Variants in GARNL3 observed in about 807,000 individuals in gnomAD.
GARNL3 encodes the protein GTPase activating Rap/RanGAP domain like 3.
GARNL3 carries 63 observed loss-of-function variants against 125.0 expected under a neutral mutation model. The observed-to-expected ratio is 0.50, with a 90% confidence interval of 0.41 to 0.62. The LOEUF is 0.62. Ranked by LOEUF, GARNL3 falls within the 20% of genes least tolerant of loss-of-function variation. The pLI, the probability that GARNL3 is intolerant of heterozygous loss-of-function variation, is 0.00. For missense variants in GARNL3, 994 were observed against 1,244.0 expected (o/e 0.80, Z 3.02); for synonymous variants, 439 against 457.5 (o/e 0.96, Z 0.52).
chr9:127,376,343 C>T (rs539123599), intron 22 of GARNL3, among the ~76,000 whole-genome samples: 6 of 152,100 alleles, frequency 3.9e-5, no homozygotes, highest in African/African-American at 9.6e-5. Flanking sequence ...CTCAGCTTCC[C>T]GAGTAGCTGG....
At chr9:127,262,227 A>T (rs941296948), upstream of GARNL3, among the ~76,000 whole-genome samples, 1 of 152,228 alleles carries the variant, frequency 6.6e-6, no homozygotes, top group African/African-American at 2.4e-5. Context: ...GGTAGACTCA[A>T]ATTCTACCTG....
intron 1 of GARNL3, among the ~76,000 whole-genome samples, chr9:127,230,074 A>G (rs886859654): frequency 6.6e-6 from 1 of 152,220 alleles, no homozygotes; most frequent in African/African-American, 2.4e-5. Context: ...TTATGCTGTT[A>G]AACCACTTGC....
At chr9:127,320,892 ACTTT>A in intron 6 of GARNL3, 114 bp downstream of exon 6, 2 of 688,124 alleles carry the variant, frequency 2.9e-6, no homozygotes, top group Admixed American at 2.5e-5. Flanking sequence ...CACCTATGCA[ACTTT>A]AAAAAAATCA....
At chr9:127,294,978 T>A (rs1019713105) in intron 2 of GARNL3, among the ~76,000 whole-genome samples, 1 of 152,078 alleles carries the variant, frequency 6.6e-6, no homozygotes, top group African/African-American at 2.4e-5. Context: ...TAAGATGGGG[T>A]CGTCAGAAAG....
chr9:127,365,630 G>A (rs1248883302), intron 22 of GARNL3, among the ~76,000 whole-genome samples: 2 of 152,140 alleles, frequency 1.3e-5, no homozygotes, highest in Admixed American at 6.5e-5. Flanking sequence ...CAGTTAGGAG[G>A]CCCTTACTGT....
At chr9:127,328,738 A>G (rs1402057943) in intron 7 of GARNL3, among the ~76,000 whole-genome samples, 2 of 152,154 alleles carry the variant, frequency 1.3e-5, no homozygotes, top group Non-Finnish European at 2.9e-5. Flanking sequence ...GTTTCCCCCC[A>G]TAGTTTGTTT....
At chr9:127,240,288 C>T (rs1011921686) in intron 1 of GARNL3, among the ~76,000 whole-genome samples, 7 of 152,146 alleles carry the variant, frequency 4.6e-5, no homozygotes, top group East Asian at 1.9e-4. Flanking sequence ...GTCCCTTTAC[C>T]GTTTCTGTGC....
intron 1 of GARNL3, among the ~76,000 whole-genome samples, chr9:127,233,272 G>A (rs2063051855): frequency 6.6e-6 from 1 of 152,126 alleles, no homozygotes; most frequent in South Asian, 2.1e-4. Flanking sequence ...GACATTCATT[G>A]GCTCTCTTGG....
At position 127,329,794 on chromosome 9, in the gene GARNL3, G is replaced by A. The variant is rs141934985; in HGVS notation, c.595-2480G>A. ...ACCGTTCACTTAGTTCCAGCCATGCGCAAGTCCCTGTCTTCCCTGAGCTTC... is the reference window on the plus strand; with the variant it reads ...ACCGTTCACTTAGTTCCAGCCATGCACAAGTCCCTGTCTTCCCTGAGCTTC... On this transcript the variant is annotated intron_variant, in intron 7 of 27. Coordinates refer to ENST00000373387, the MANE Select transcript of GARNL3 (RefSeq NM_032293.5). 6.6e-5 allele frequency among the ~76,000 whole-genome samples: 10 copies of A among 152,256 alleles called. No homozygotes were observed. The East Asian group carries it at 1.4e-3, about 21-fold the overall frequency.
At chr9:127,234,633 C>T (rs2063078382) in intron 1 of GARNL3, among the ~76,000 whole-genome samples, 1 of 152,212 alleles carries the variant, frequency 6.6e-6, no homozygotes, top group Non-Finnish European at 1.5e-5. Flanking sequence ...GCTTGTTGCC[C>T]TAGTCCATTT....
Position 127,328,732 on chromosome 9 carries a change from C to T in GARNL3, c.595-3542C>T, listed in dbSNP as rs528872275. On this transcript the variant is annotated intron_variant, in intron 7 of 27. Coordinates refer to ENST00000373387, the MANE Select transcript of GARNL3 (RefSeq NM_032293.5). ...TCTGGAATCATTGGGACTTTAGTTT[C>T]CCCCCATAGTTTGTTTTTCTCAGAA... Among the ~76,000 whole-genome samples, 17 of 152,174 alleles carry T rather than the reference C, an allele frequency of 1.1e-4. No homozygotes were observed. In the South Asian group the frequency reaches 3.3e-3, roughly 30 times the overall value.
intron 5 of GARNL3, among the ~76,000 whole-genome samples, chr9:127,318,927 G>T (rs907100719): frequency 8.5e-5 from 13 of 152,176 alleles, no homozygotes; most frequent in Non-Finnish European, 1.2e-4. Context: ...ATCTGACAAA[G>T]ATCTCACAGC....
intron 27 of GARNL3, 130 bp downstream of exon 27, chr9:127,390,897 T>C (rs1283232312): frequency 1.4e-5 from 13 of 903,954 alleles, no homozygotes; most frequent in Admixed American, 2.8e-5. Context: ...GCCAGCAGCC[T>C]GTTCCTCTCT....
rs1017546304 is a variant in GARNL3, at chr9:127,318,048, T to C, written c.439-15T>C. 2.6e-6 allele frequency: 4 copies of C among 1,558,108 alleles called. No individual in the cohort carries two copies. Among genetic ancestry groups the C allele is most frequent in the Non-Finnish European group, 3.5e-6 (4 of 1,129,004 alleles). On this transcript the variant is annotated splice_polypyrimidine_tract_variant and intron_variant, in intron 4 of 27. Transcript: ENST00000373387. Reference sequence around the variant, plus strand: ...TGTAGAACTTGTCACTGATTTGATGTTTGGACTTTTCCAGGGTACCCAGAA... The same window carrying C: ...TGTAGAACTTGTCACTGATTTGATGCTTGGACTTTTCCAGGGTACCCAGAA...
chr9:127,339,193 A>T (rs1829722662), intron 12 of GARNL3, among the ~76,000 whole-genome samples: 2 of 151,658 alleles, frequency 1.3e-5, no homozygotes, highest in African/African-American at 4.8e-5. Context: ...GCTACTTGGG[A>T]GGCTGAGGCA....
chr9:127,359,795 A>G (rs1830887761), intron 21 of GARNL3, among the ~76,000 whole-genome samples: 1 of 152,108 alleles, frequency 6.6e-6, no homozygotes, highest in Non-Finnish European at 1.5e-5. Flanking sequence ...GGTGGTTTTT[A>G]TTATTTACCT....
intron 1 of GARNL3, among the ~76,000 whole-genome samples, chr9:127,267,965 G>A (rs2063739264): frequency 6.6e-6 from 1 of 152,190 alleles, no homozygotes; most frequent in African/African-American, 2.4e-5. Context: ...AATGAGAGAA[G>A]ACTTAGGGCT....
chr9:127,385,782 A>G lies in GARNL3; in HGVS notation c.2388+637A>G, dbSNP rs1832511929. On this transcript the variant is annotated intron_variant, in intron 24 of 27. Transcript: ENST00000373387. This position sits in a 1 kb window ranked among gnomAD's most constrained non-coding sequence, Gnocchi z 4.1. ...CTTCCCTGGTCCTGACATCCATCAC[A>G]TTTGGTGGTAGGTGACTGCCTATTT... 6.6e-6 allele frequency among the ~76,000 whole-genome samples: 1 copy of G among 151,906 alleles called. No homozygotes were observed.
chr9:127,322,475 A>G (rs1456708998), intron 6 of GARNL3, among the ~76,000 whole-genome samples: 1 of 152,102 alleles, frequency 6.6e-6, no homozygotes, highest in Non-Finnish European at 1.5e-5. Flanking sequence ...TTTACCAAAC[A>G]AAAGGTACTT....
Sources: gnomAD v4.1 joint callset for allele counts (sites outside exome capture counted in the v4.1 genomes callset) on GRCh38, gnomAD v4.1.1 for gene constraint, Gnocchi (gnomAD v3.1) non-coding constraint, MANE v1.5 for transcripts, NCBI Gene and HGNC (gene_info 2026-07-23, HGNC 2026-07-21) for gene names.